Variants in ACER2 observed in about 807,000 individuals in gnomAD.
ACER2 encodes the protein alkCDase 2.
ACER2 carries 26 observed loss-of-function variants against 34.7 expected under a neutral mutation model. That is an observed-to-expected ratio of 0.75 (90% CI 0.55 to 1.04). The LOEUF is 1.04. ACER2 is among the 50% of genes least tolerant of loss of function. The pLI is 0.00. For missense variants in ACER2, 352 were observed against 340.8 expected, an observed-to-expected ratio of 1.03 and a Z score of -0.26; for synonymous variants, 138 against 132.1, an observed-to-expected ratio of 1.04 and a Z score of -0.31.
At position 19,434,169 on chromosome 9, in the gene ACER2, A is replaced by T. The variant is rs553096570; in HGVS notation, c.366-778A>T. ...GGCAGAGGCGCTCCCCACATCCCAGATGATGGGCGGCCGGGCAGAGACGCT... is the reference window on the plus strand; with the variant it reads ...GGCAGAGGCGCTCCCCACATCCCAGTTGATGGGCGGCCGGGCAGAGACGCT... On this transcript the variant is annotated intron_variant, in intron 3 of 5. Coordinates refer to ENST00000340967, the MANE Select transcript of ACER2 (RefSeq NM_001010887.3). Among the ~76,000 whole-genome samples, 179 of 145,022 alleles carry T rather than the reference A, an allele frequency of 1.2e-3. 1 individual carries two copies. The highest frequency in any genetic ancestry group is 4.3e-3 in the African/African-American group (163 of 38,286).
intron 3 of ACER2, 44 bp from the exon 4 acceptor site, chr9:19,434,903 G>T (rs1385660300): frequency 8.1e-6 from 13 of 1,608,830 alleles, no homozygotes; most frequent in South Asian, 1.1e-5. Flanking sequence ...AAACAAACAA[G>T]AACTCCTTTT....
chr9:19,446,125 C>T (rs1831350616), intron 4 of ACER2, 156 bp from the exon 5 acceptor site: 2 of 1,060,926 alleles, frequency 1.9e-6, no homozygotes, highest in Non-Finnish European at 2.9e-6. Flanking sequence ...GTATTTACAT[C>T]CATGAGACTG....
intron 4 of ACER2, among the ~76,000 whole-genome samples, chr9:19,440,714 C>T (rs1831127099): frequency 6.6e-6 from 1 of 152,164 alleles, no homozygotes; most frequent in East Asian, 1.9e-4. Flanking sequence ...TTTTACGTCC[C>T]CCTGAAAGAT....
chr9:19,433,197 C>T (rs1185467652), intron 3 of ACER2, among the ~76,000 whole-genome samples: 2 of 114,234 alleles, frequency 1.8e-5, no homozygotes, highest in Admixed American at 1.1e-4. Flanking sequence ...GGGTGTTTCT[C>T]ACAGAGGGGG....
intron 2 of ACER2, 44 bp downstream of exon 2, chr9:19,424,020 G>A: frequency 7.1e-6 from 10 of 1,417,874 alleles, no homozygotes; most frequent in Non-Finnish European, 1.0e-5. Context: ...GGGGTGGTGG[G>A]ATGGGGGTAG....
At chr9:19,419,297 C>A (rs574666749) in intron 1 of ACER2, among the ~76,000 whole-genome samples, 1 of 152,204 alleles carries the variant, frequency 6.6e-6, no homozygotes, top group Non-Finnish European at 1.5e-5. Context: ...GACCACATTT[C>A]TTTTCTTTTT....
At chr9:19,440,034 C>G (rs1831099938) in intron 4 of ACER2, among the ~76,000 whole-genome samples, 1 of 152,088 alleles carries the variant, frequency 6.6e-6, no homozygotes, top group Non-Finnish European at 1.5e-5. Context: ...CAACTCTTGC[C>G]AATCTGGTTT....
intron 1 of ACER2, among the ~76,000 whole-genome samples, chr9:19,422,665 C>T (rs981081422): frequency 2.0e-5 from 3 of 151,756 alleles, no homozygotes; most frequent in Non-Finnish European, 4.4e-5. Context: ...TGGACAATGT[C>T]CAGTCTTTTT....
Position 19,423,993 on chromosome 9 carries a change from G to A in ACER2, c.223+17G>A, listed in dbSNP as rs771882939. On this transcript the variant is annotated intron_variant, in intron 2 of 5. Transcript: ENST00000340967. The stretch of plus-strand genomic sequence containing the variant: ...TTGTAGTGGGTAAGTGGAGTCATTT[G>A]GGAACACGGACTTAATGGGGTGGTG... The A allele has an allele frequency of 1.5e-5, 24 of 1,575,016 alleles. No homozygotes were observed. Among genetic ancestry groups the A allele is most frequent in the Non-Finnish European group, 2.0e-5 (23 of 1,144,366 alleles).
intron 3 of ACER2, among the ~76,000 whole-genome samples, chr9:19,433,630 C>T (rs983557342): frequency 6.6e-6 from 1 of 152,258 alleles, no homozygotes; most frequent in African/African-American, 2.4e-5. Context: ...TCCACAAAGC[C>T]ACCATTGTCA....
chr9:19,413,515 G>A (rs1830150987), intron 1 of ACER2, among the ~76,000 whole-genome samples: 1 of 151,696 alleles, frequency 6.6e-6, no homozygotes, highest in Non-Finnish European at 1.5e-5. Context: ...CAGGAGAATT[G>A]CTTGAACCTG....
At chr9:19,443,429 GT>G (rs1313695890) in intron 4 of ACER2, among the ~76,000 whole-genome samples, 2 of 152,252 alleles carry the variant, frequency 1.3e-5, no homozygotes, top group African/African-American at 4.8e-5. Flanking sequence ...GCCTCCAAGA[GT>G]GTTGGGATTA....
chr9:19,435,160 C>G (rs141912034), intron 4 of ACER2, 76 bp downstream of exon 4: 35,285 of 1,533,468 alleles, frequency 0.023, 508 homozygotes, highest in Middle Eastern at 0.034. Context: ...TCTTTGCTGT[C>G]CTGTAGCAGA....
At chr9:19,435,220 A>G (rs1218746210) in intron 4 of ACER2, 136 bp downstream of exon 4, 1 of 1,167,126 alleles carries the variant, frequency 8.6e-7, no homozygotes, top group African/African-American at 1.6e-5. Context: ...GTTGGATGGA[A>G]GCAATTTGAT....
At chr9:19,441,993 C>T (rs1025613862) in intron 4 of ACER2, among the ~76,000 whole-genome samples, 1 of 152,116 alleles carries the variant, frequency 6.6e-6, no homozygotes, top group Non-Finnish European at 1.5e-5. Context: ...TCTCTTTAGC[C>T]TTTATTCCTA....
chr9:19,412,873 C>G (rs140169678), intron 1 of ACER2, among the ~76,000 whole-genome samples: 1 of 152,192 alleles, frequency 6.6e-6, no homozygotes, highest in East Asian at 1.9e-4. Flanking sequence ...TTTATCTAAT[C>G]AATCCTTATT....
At chr9:19,421,827 C>G (rs1830416230) in intron 1 of ACER2, among the ~76,000 whole-genome samples, 1 of 151,828 alleles carries the variant, frequency 6.6e-6, no homozygotes, top group Non-Finnish European at 1.5e-5. Flanking sequence ...CAAAATCAAC[C>G]AAACAAAAAG....
chr9:19,435,630 T>C (rs371703143), intron 4 of ACER2, among the ~76,000 whole-genome samples: 18 of 152,228 alleles, frequency 1.2e-4, no homozygotes, highest in Admixed American at 3.9e-4. Flanking sequence ...TGGGCACCTG[T>C]AATCCCAGCT....
At chr9:19,434,327 G>A (rs1439804750) in intron 3 of ACER2, among the ~76,000 whole-genome samples, 1 of 151,414 alleles carries the variant, frequency 6.6e-6, no homozygotes, top group Non-Finnish European at 1.5e-5. Flanking sequence ...CATCCCAGAC[G>A]ATGGCCGGCC....
Sources: gnomAD v4.1 joint callset for allele counts (sites outside exome capture counted in the v4.1 genomes callset) on GRCh38, gnomAD v4.1.1 for gene constraint, MANE v1.5 for transcripts, NCBI Gene and HGNC (gene_info 2026-07-23, HGNC 2026-07-21) for gene names.